JAML: variants seen among roughly 807,000 people sequenced by gnomAD.
JAML encodes the protein junctional adhesion molecule-like.
JAML carries 25 observed loss-of-function variants against 39.3 expected under a neutral mutation model. The ratio of observed to expected loss-of-function variants is 0.64; its 90% CI spans 0.46 to 0.89. The LOEUF (loss-of-function observed/expected upper bound fraction) is 0.89. Ranked by LOEUF, JAML falls within the 40% of genes least tolerant of loss-of-function variation. The probability of loss-of-function intolerance (pLI) is 0.00; values close to 1 mark genes in which losing one functional copy is unlikely to be tolerated. For missense variants in JAML, 440 were observed against 486.9 expected (o/e 0.90, Z 0.91); for synonymous variants, 162 against 179.2 (o/e 0.90, Z 0.77).
chr11:118,222,489 TTCTG>T lies in JAML; in HGVS notation c.-21+2448_-21+2451del, dbSNP rs1444026811. ...ATGGAATTTTGTCTTGATTTTCCAT[TTCTG>T]TCTGTCTGTGTATTTATATGTGTTG... is the stretch of plus-strand genomic sequence containing the variant. On this transcript the variant is annotated intron_variant, in intron 1 of 9. Transcript: ENST00000356289. This position sits in a 1 kb window ranked among gnomAD's most constrained non-coding sequence, Gnocchi z 4.2. Among the ~76,000 whole-genome samples, 3 of 152,354 alleles carry T rather than the reference TTCTG, an allele frequency of 2.0e-5. No homozygotes were observed. Among genetic ancestry groups the T allele is most frequent in the South Asian group, 2.1e-4 (1 of 4,834 alleles).
At chr11:118,210,361 G>T in intron 4 of JAML, 126 bp downstream of exon 4, 2 of 667,918 alleles carry the variant, frequency 3.0e-6, no homozygotes, top group Non-Finnish European at 2.5e-6. Context: ...ATCATTTTTT[G>T]AAGATTCACT....
chr11:118,200,105 G>T (rs1565474398), intron 7 of JAML, among the ~76,000 whole-genome samples: 1 of 152,060 alleles, frequency 6.6e-6, no homozygotes, highest in Admixed American at 6.6e-5. Flanking sequence ...CAACCCTTAA[G>T]ATCTTAGCTT....
intron 4 of JAML, among the ~76,000 whole-genome samples, chr11:118,208,287 T>G (rs1247536030): frequency 6.6e-6 from 1 of 152,134 alleles, no homozygotes; most frequent in Non-Finnish European, 1.5e-5. Context: ...CTGATTTGCT[T>G]CTTCTTCCTG....
In JAML at chr11:118,204,244, G is replaced by T. The variant is rs1612098; in HGVS notation, c.535-579C>A. Reference sequence around the variant, plus strand: ...TCACCTCCTCCACTGATACCATTCTGGTCCAGCTCATCTCTCACCTAGATT... The same window carrying T: ...TCACCTCCTCCACTGATACCATTCTTGTCCAGCTCATCTCTCACCTAGATT... On this transcript the variant is annotated intron_variant, in intron 5 of 9. Coordinates refer to ENST00000356289, the MANE Select transcript of JAML (RefSeq NM_001098526.2). 8.1e-4 allele frequency: 128 copies of T among 157,348 alleles called. 1 individual carries two copies. The East Asian group carries it at 0.017, about 21-fold the overall frequency. The allele number at this position is 157,348 out of a possible 1,614,324, so 9.7% of individuals were successfully genotyped here.
At chr11:118,218,383 A>G (rs1949170802) in intron 1 of JAML, among the ~76,000 whole-genome samples, 1 of 152,224 alleles carries the variant, frequency 6.6e-6, no homozygotes, top group African/African-American at 2.4e-5. Context: ...GTGAGCTGCT[A>G]TGCCCGGCAG....
intron 1 of JAML, among the ~76,000 whole-genome samples, chr11:118,218,996 A>G (rs150027776): frequency 3.2e-3 from 480 of 152,302 alleles, no homozygotes; most frequent in Non-Finnish European, 4.2e-3. Flanking sequence ...ACCTGAGCTC[A>G]TGGTTCTTTC....
intron 7 of JAML, among the ~76,000 whole-genome samples, chr11:118,200,051 C>T (rs535305623): frequency 6.6e-6 from 1 of 152,080 alleles, no homozygotes; most frequent in Non-Finnish European, 1.5e-5. Context: ...ATTCAAAGAT[C>T]GTATCTCATA....
intron 6 of JAML, chr11:118,203,181 T>G: frequency 1.5e-6 from 1 of 645,512 alleles, no homozygotes; most frequent in Non-Finnish European, 2.9e-6. Flanking sequence ...GGATTGGTAT[T>G]CACTAAATTA....
chr11:118,208,241 AAG>A (rs1555106828), intron 4 of JAML, among the ~76,000 whole-genome samples: 12 of 12,174 alleles, frequency 9.9e-4, no homozygotes, highest in East Asian at 2.2e-3. Flanking sequence ...CTAAAAAAAA[AAG>A]AGAGAGAGAG....
chr11:118,222,554 T>C lies in JAML; in HGVS notation c.-21+2387A>G, dbSNP rs1237561706. On this transcript the variant is annotated intron_variant, in intron 1 of 9. Transcript: ENST00000356289. This position sits in a 1 kb window ranked among gnomAD's most constrained non-coding sequence, Gnocchi z 4.2. ...ATTTATATAAAAGAGCTCTAATTAA[T>C]TGGCTTAAAGAAACTAAAATCAAAC... Among the ~76,000 whole-genome samples the C allele has an allele frequency of 1.3e-5, 2 of 152,178 alleles. No individual in the cohort carries two copies. Among genetic ancestry groups the C allele is most frequent in the African/African-American group, 2.4e-5 (1 of 41,436 alleles).
chr11:118,208,384 A>G (rs1181028138), intron 4 of JAML, among the ~76,000 whole-genome samples: 1 of 152,250 alleles, frequency 6.6e-6, no homozygotes, highest in Non-Finnish European at 1.5e-5. Flanking sequence ...CACCTACTAC[A>G]ACTCCATTTT....
chr11:118,212,961 T>C, intron 2 of JAML: 8 of 1,614,170 alleles, frequency 5.0e-6, no homozygotes, highest in Non-Finnish European at 6.8e-6. Context: ...CTCCCACTGG[T>C]TCCCTCTCTG....
chr11:118,213,477 C>A, intron 2 of JAML: 1 of 254,604 alleles, frequency 3.9e-6, no homozygotes, highest in Non-Finnish European at 6.2e-6. Context: ...AAGAAAACAT[C>A]GACTCTAAAC....
At chr11:118,197,596 GAC>G (rs942917748) in intron 8 of JAML, 2 of 168,578 alleles carry the variant, frequency 1.2e-5, no homozygotes, top group Non-Finnish European at 2.6e-5. Flanking sequence ...TTAGACTTTA[GAC>G]AAATAGCACC....
Position 118,210,694 on chromosome 11 carries a change from A to G in JAML, c.217T>C (p.Tyr73His), listed in dbSNP as rs1033510622. The G allele has an allele frequency of 2.5e-6, 4 of 1,614,068 alleles. No individual in the cohort carries two copies. The highest frequency in any genetic ancestry group is 2.5e-6 in the Non-Finnish European group (3 of 1,180,018). ...ATAGGCACACTGAGATTGGAGTAAT[A>G]GTATAGCACATATTCGTCCTGAAGG... ...EHAKDEYVLY[Y>H]YSNLSVPIGR... The change falls in exon 4 of 10, where the codon TAT becomes CAT. Residue 73 changes from tyrosine to histidine, a missense_variant. Physicochemically the swap from Tyr to His is moderately conservative, Grantham distance 83 (BLOSUM62 2). Coordinates refer to ENST00000356289, the MANE Select transcript of JAML (RefSeq NM_001098526.2).
intron 1 of JAML, among the ~76,000 whole-genome samples, chr11:118,224,675 T>TCA (rs1389424606): frequency 6.6e-6 from 1 of 152,178 alleles, no homozygotes; most frequent in Non-Finnish European, 1.5e-5. Flanking sequence ...TGAAGCCTTG[T>TCA]CATAATCATT....
In JAML at chr11:118,205,884, T is replaced by A; in HGVS notation, c.532A>T (p.Lys178Ter). The change falls in exon 5 of 10, where the codon AAG (lysine) becomes TAG (stop). Residue 178 changes from lysine (K) to a stop codon, truncating the protein, a stop_gained and splice_region_variant. Coordinates refer to ENST00000356289, the MANE Select transcript of JAML (RefSeq NM_001098526.2). LOFTEE classifies it high-confidence loss of function. Reference sequence around the variant, plus strand: ...CAGTGATGTTTCCTCCTTGTTACCTTTGCGCGCCGTCCTGAAAATATCCAT... The same window carrying A: ...CAGTGATGTTTCCTCCTTGTTACCTATGCGCGCCGTCCTGAAAATATCCAT... ...VEWIFSGRRA[K>*]EEIVFRYYHK... The A allele has an allele frequency of 6.2e-7, 1 of 1,613,562 alleles. No homozygotes were observed. Among genetic ancestry groups the A allele is most frequent in the Non-Finnish European group, 8.5e-7 (1 of 1,179,510 alleles).
chr11:118,203,293 A>G, intron 6 of JAML, 135 bp downstream of exon 6: 1 of 833,824 alleles, frequency 1.2e-6, no homozygotes, highest in Admixed American at 1.8e-5. Flanking sequence ...AGGGTTGTGC[A>G]AGGCCAGAGT....
intron 1 of JAML, among the ~76,000 whole-genome samples, chr11:118,218,966 T>A (rs1400514475): frequency 6.6e-6 from 1 of 152,212 alleles, no homozygotes; most frequent in Non-Finnish European, 1.5e-5. Flanking sequence ...AGTTATCTCA[T>A]CTGTTGGCCA....
Sources: gnomAD v4.1 joint callset for allele counts (sites outside exome capture counted in the v4.1 genomes callset) on GRCh38, gnomAD v4.1.1 for gene constraint, Gnocchi (gnomAD v3.1) non-coding constraint, MANE v1.5 for transcripts, NCBI Gene and HGNC (gene_info 2026-07-23, HGNC 2026-07-21) for gene names.